The following SIPA1L3 variants were observed in gnomAD, a reference collection of about 807,000 sequenced individuals.
SIPA1L3 encodes the protein signal-induced proliferation-associated 1-like protein 3.
In SIPA1L3, 59 loss-of-function variants were observed where a neutral mutation model predicts 150.1. The observed-to-expected ratio is 0.39, with a 90% confidence interval of 0.32 to 0.49. The LOEUF (loss-of-function observed/expected upper bound fraction) is 0.49, where lower values mean the gene tolerates loss of function less well. Ranked by LOEUF, SIPA1L3 falls within the 20% of genes least tolerant of loss-of-function variation. The pLI is 0.86. For synonymous variants in SIPA1L3, 1,070 were observed against 1,077.6 expected (o/e 0.99, Z 0.14); for missense variants, 2,211 against 2,489.5 (o/e 0.89, Z 2.38).
At chr19:37,925,590 CTTT>C (rs761234489) in intron 1 of SIPA1L3, among the ~76,000 whole-genome samples, 1 of 110,788 alleles carries the variant, frequency 9.0e-6, no homozygotes. Context: ...TGATTTATTA[CTTT>C]TTTTTTTTTT....
intron 2 of SIPA1L3, among the ~76,000 whole-genome samples, chr19:38,061,529 A>C (rs1468000455): frequency 6.6e-6 from 1 of 151,978 alleles, no homozygotes; most frequent in Non-Finnish European, 1.5e-5. Context: ...TGGGGTTGTG[A>C]CTCAGAAGCC....
At position 38,119,435 on chromosome 19, in the gene SIPA1L3, G is replaced by A. The variant is rs757293883; in HGVS notation, c.2421G>A (p.Ala807=). ...AGGTGATTAACGCTGAGAACGCCGC[G>A]CACAAGTCCGACAAGTTCCACACCA... ...LAKVINAENA[A]HKSDKFHTMA... Residue 807 remains alanine (A), a synonymous_variant, in exon 9 of 22, where the codon GCG becomes GCA. Transcript: ENST00000222345. The A allele has an allele frequency of 1.7e-5, 27 of 1,613,970 alleles. No individual in the cohort carries two copies. Among genetic ancestry groups the A allele is most frequent in the East Asian group, 1.6e-4 (7 of 44,870 alleles).
At chr19:38,168,948 G>T (rs1972265429) in intron 15 of SIPA1L3, among the ~76,000 whole-genome samples, 1 of 152,172 alleles carries the variant, frequency 6.6e-6, no homozygotes, top group African/African-American at 2.4e-5. Context: ...AGGTGATTTG[G>T]GTGGTGCGGG....
At chr19:38,181,537 G>A (rs184880489) in intron 15 of SIPA1L3, among the ~76,000 whole-genome samples, 8 of 151,314 alleles carry the variant, frequency 5.3e-5, no homozygotes, top group Non-Finnish European at 1.2e-4. Context: ...ATACACATGC[G>A]TATGTTTTTG....
chr19:37,909,364 C>T (rs1314246867), intron 1 of SIPA1L3, among the ~76,000 whole-genome samples: 1 of 151,900 alleles, frequency 6.6e-6, no homozygotes, highest in Non-Finnish European at 1.5e-5. Flanking sequence ...CCCGCCACCA[C>T]ACGTGGTTAG....
chr19:37,953,532 A>ATG (rs34795645), intron 1 of SIPA1L3, among the ~76,000 whole-genome samples: 1 of 151,760 alleles, frequency 6.6e-6, no homozygotes, highest in Non-Finnish European at 1.5e-5. Flanking sequence ...TGCATTCCTC[A>ATG]TGTGTGTGTG....
chr19:38,114,813 G>A (rs1414984628), intron 8 of SIPA1L3, among the ~76,000 whole-genome samples: 1 of 152,228 alleles, frequency 6.6e-6, no homozygotes, highest in Non-Finnish European at 1.5e-5. Context: ...GCCAGTCAAC[G>A]CCAGAGATGG....
Position 38,081,770 on chromosome 19 carries a change from C to A in SIPA1L3, c.205C>A (p.Pro69Thr). The A allele has an allele frequency of 6.2e-7, 1 of 1,608,814 alleles. No individual in the cohort carries two copies. Among genetic ancestry groups the A allele is most frequent in the Non-Finnish European group, 8.5e-7 (1 of 1,178,300 alleles). The change falls in exon 3 of 22, where the codon CCC (proline) becomes ACC (threonine). Residue 69 changes from proline to threonine, a missense_variant. Pro to Thr is a conservative substitution (Grantham distance 38). Coordinates refer to ENST00000222345, the MANE Select transcript of SIPA1L3 (RefSeq NM_015073.3). ...CGCCACCGCCACCACCCGCCCCAGCCCCACCACTCCCGCAATGCCCAAGAT... is the reference window on the plus strand; with the variant it reads ...CGCCACCGCCACCACCCGCCCCAGCACCACCACTCCCGCAATGCCCAAGAT... ...ATATATTRPS[P>T]TTPAMPKMGV...
At chr19:37,941,645 C>T (rs941541222) in intron 1 of SIPA1L3, among the ~76,000 whole-genome samples, 3 of 152,102 alleles carry the variant, frequency 2.0e-5, no homozygotes, top group African/African-American at 4.8e-5. Flanking sequence ...TGGGGCCTTG[C>T]GGGTGTTTGT....
At chr19:37,931,125 T>C (rs2046550093) in intron 1 of SIPA1L3, among the ~76,000 whole-genome samples, 1 of 152,190 alleles carries the variant, frequency 6.6e-6, no homozygotes, top group Non-Finnish European at 1.5e-5. Flanking sequence ...TTTGAAGGAA[T>C]AAAGTGGACC....
At position 38,041,661 on chromosome 19, in the gene SIPA1L3, C is replaced by T. The variant is rs550410148; in HGVS notation, c.-311+12505C>T. On this transcript the variant is annotated intron_variant, in intron 2 of 21. Transcript: ENST00000222345. ...GTTGACCAGGCTACCAGGCTGGTCTCGAACTCCTAACCTCAAGTGATCCAC... is the reference window on the plus strand; with the variant it reads ...GTTGACCAGGCTACCAGGCTGGTCTTGAACTCCTAACCTCAAGTGATCCAC... Among the ~76,000 whole-genome samples the T allele has an allele frequency of 2.8e-4, 42 of 152,116 alleles. No individual in the cohort carries two copies. The South Asian group carries it at 3.3e-3, about 12-fold the overall frequency.
At position 38,030,642 on chromosome 19, in the gene SIPA1L3, A is replaced by ATATATATATATG. The variant is rs1555778714; in HGVS notation, c.-311+1495_-311+1496insATGTATATATAT. On this transcript the variant is annotated intron_variant, in intron 2 of 21. Coordinates refer to ENST00000222345, the MANE Select transcript of SIPA1L3 (RefSeq NM_015073.3). The stretch of plus-strand genomic sequence containing the variant: ...GTGGCAAATATATATATATATATAT[A>ATATATATATATG]TATATATATGGCAAATACTTACCTG... Among the ~76,000 whole-genome samples the ATATATATATATG allele has an allele frequency of 8.1e-4, 61 of 75,360 alleles. 1 individual carries two copies. The highest frequency in any genetic ancestry group is 2.3e-3 in the African/African-American group (59 of 25,474). The allele number at this position is 75,360 out of a possible 152,430, so 49.4% of individuals were successfully genotyped here.
At chr19:38,085,479 C>CA (rs1169340957) in intron 3 of SIPA1L3, among the ~76,000 whole-genome samples, 7,096 of 64,990 alleles carry the variant, frequency 0.11, 346 homozygotes, top group Middle Eastern at 0.18. Flanking sequence ...GACTCCGTCT[C>CA]AAAAAAAAAA....
Position 37,952,598 on chromosome 19 carries a change from G to A in SIPA1L3, c.-379+45240G>A, listed in dbSNP as rs571083028. On this transcript the variant is annotated intron_variant, in intron 1 of 21. Transcript: ENST00000222345. The stretch of plus-strand genomic sequence containing the variant: ...TGAGGCAGGAGAATTCCTTGAACCC[G>A]GGTGGTGAAGGTTGCAGTGAGCCAA... Among the ~76,000 whole-genome samples the A allele has an allele frequency of 1.5e-4, 23 of 152,178 alleles. No individual in the cohort carries two copies. In the East Asian group the frequency reaches 3.3e-3, roughly 22 times the overall value.
At chr19:38,042,429 G>GT (rs1347295674) in intron 2 of SIPA1L3, among the ~76,000 whole-genome samples, 1 of 152,092 alleles carries the variant, frequency 6.6e-6, no homozygotes, top group East Asian at 1.9e-4. Context: ...GCTAGTTGGG[G>GT]TTTTTTTGTG....
At position 38,149,597 on chromosome 19, in the gene SIPA1L3, G is replaced by A. The variant is rs79421403; in HGVS notation, c.3534-3243G>A. 9.8e-5 allele frequency among the ~76,000 whole-genome samples: 15 copies of A among 152,342 alleles called. No individual in the cohort carries two copies. The East Asian group carries it at 2.7e-3, about 27-fold the overall frequency. On this transcript the variant is annotated intron_variant, in intron 12 of 21. Transcript: ENST00000222345. ...CTTTCCCCACATTGACGGGAAACCA[G>A]GCCCCCCCTCCTTGATGTATTGCTG...
chr19:38,073,963 A>C (rs1223239464), intron 2 of SIPA1L3, among the ~76,000 whole-genome samples: 2 of 152,192 alleles, frequency 1.3e-5, no homozygotes, highest in African/African-American at 4.8e-5. Context: ...TATTATACCC[A>C]TTTTACAGAT....
intron 1 of SIPA1L3, among the ~76,000 whole-genome samples, chr19:37,945,803 T>C (rs905444077): frequency 2.0e-5 from 3 of 152,220 alleles, no homozygotes; most frequent in Non-Finnish European, 4.4e-5. Flanking sequence ...GTTTGCTTCT[T>C]AAGTTTTTCT....
At chr19:37,922,126 C>T (rs1279848219) in intron 1 of SIPA1L3, among the ~76,000 whole-genome samples, 1 of 152,038 alleles carries the variant, frequency 6.6e-6, no homozygotes, top group East Asian at 1.9e-4. Flanking sequence ...GCTGTTTCAC[C>T]CAGGCCGGAG....
Sources: allele counts gnomAD v4.1 joint callset (sites outside exome capture counted in the v4.1 genomes callset), GRCh38; gene constraint gnomAD v4.1.1; transcripts MANE v1.5; gene names NCBI Gene and HGNC (gene_info 2026-07-23, HGNC 2026-07-21).